NUP160: variants seen among roughly 807,000 people sequenced by gnomAD.
The protein encoded by NUP160 is nuclear pore complex protein Nup160.
In NUP160, 94 loss-of-function variants were observed where a neutral mutation model predicts 196.9. That is an observed-to-expected ratio of 0.48 (90% confidence interval 0.40 to 0.57). NUP160 has a LOEUF of 0.57. NUP160 is among the 20% of genes least tolerant of loss of function. The pLI is 0.00. For synonymous variants in NUP160, 605 were observed against 619.7 expected (o/e 0.98, Z 0.35); for missense variants, 1,638 against 1,748.3 (o/e 0.94, Z 1.13).
intron 22 of NUP160, among the ~76,000 whole-genome samples, chr11:47,802,958 T>C (rs1052998176): frequency 1.3e-5 from 2 of 151,868 alleles, no homozygotes; most frequent in African/African-American, 4.8e-5. Flanking sequence ...TGCACTCCAG[T>C]CTGGGTGACA....
At chr11:47,792,041 G>T in intron 28 of NUP160, 51 bp from the exon 29 acceptor site, 1 of 1,265,700 alleles carries the variant, frequency 7.9e-7, no homozygotes. Context: ...ATTTTATTCT[G>T]ATATCATTAA....
In NUP160 at chr11:47,810,238, T is replaced by G. The variant is rs114402005; in HGVS notation, c.2242-1709A>C. ...TTTGAGATAGGGTCTCACTCTGTCA[T>G]GCAGGCAGAAGTGCAATGGCGCAAT... On this transcript the variant is annotated intron_variant, in intron 17 of 35. Transcript: ENST00000378460. Among the ~76,000 whole-genome samples the G allele has an allele frequency of 8.0e-3, 1,211 of 152,048 alleles. 18 individuals carry two copies. Among genetic ancestry groups the G allele is most frequent in the African/African-American group, 0.027 (1,127 of 41,494 alleles).
In NUP160 at chr11:47,813,248, C is replaced by T. The variant is rs2097682182; in HGVS notation, c.1786+68G>A. On this transcript the variant is annotated intron_variant, in intron 14 of 35. Coordinates refer to ENST00000378460, the Ensembl canonical transcript of NUP160. ...GTGTGGCAATCGATATTTTTTGTAT[C>T]CATGTGAAACGAAGCATAGGGTTTA... 5 of 1,207,460 alleles carry T rather than the reference C, an allele frequency of 4.1e-6. No homozygotes were observed. The South Asian group carries it at 5.1e-5, about 12-fold the overall frequency. The allele number at this position is 1,207,460 out of a possible 1,614,324, so 74.8% of individuals were successfully genotyped here.
chr11:47,798,094 T>TATG lies in NUP160; in HGVS notation c.3087-23_3087-21dup, dbSNP rs1565191660. ...AATTGCCTAGAAGGAAAGAAAGGAA[T>TATG]ATGAGGGCAAACTATCTTAGTAGGT... On this transcript the variant is annotated intron_variant, in intron 25 of 35. Coordinates refer to ENST00000378460, the Ensembl canonical transcript of NUP160. The TATG allele has an allele frequency of 6.4e-7, 1 of 1,552,760 alleles. No individual in the cohort carries two copies. The highest frequency in any genetic ancestry group is 8.8e-7 in the Non-Finnish European group (1 of 1,131,446).
chr11:47,840,378 A>T, exon 3 of NUP160: 1 of 1,612,406 alleles, frequency 6.2e-7, no homozygotes, highest in Non-Finnish European at 8.5e-7. Flanking sequence ...GCCAACTTAC[A>T]CTCCTATACA....
At chr11:47,846,553 T>G (rs1565213095) in intron 2 of NUP160, among the ~76,000 whole-genome samples, 1 of 152,218 alleles carries the variant, frequency 6.6e-6, no homozygotes, top group Non-Finnish European at 1.5e-5. Context: ...TTACCCCATA[T>G]TCAATCCACC....
chr11:47,816,796 A>T (rs1361835340), intron 11 of NUP160, among the ~76,000 whole-genome samples: 2 of 135,096 alleles, frequency 1.5e-5, no homozygotes, highest in East Asian at 2.2e-4. Flanking sequence ...AAAAAAAAAA[A>T]GTCTATGTAA....
intron 2 of NUP160, chr11:47,841,330 A>C (rs1232625032): frequency 3.0e-6 from 1 of 330,094 alleles, no homozygotes; most frequent in East Asian, 7.0e-5. Context: ...AAAAATGGGC[A>C]GAATTTTCCT....
chr11:47,810,132 C>T (rs572383355), intron 17 of NUP160, among the ~76,000 whole-genome samples: 10 of 152,156 alleles, frequency 6.6e-5, no homozygotes, highest in African/African-American at 1.9e-4. Flanking sequence ...GGCTAACCAA[C>T]CTAACAGACT....
At chr11:47,808,265 A>C (rs1322209267) in intron 18 of NUP160, 131 bp downstream of exon 18, 2 of 770,010 alleles carry the variant, frequency 2.6e-6, no homozygotes, top group Non-Finnish European at 4.1e-6. Flanking sequence ...TGGGTGAGAG[A>C]GAGCGAGACT....
chr11:47,801,369 G>A (rs939328794), intron 23 of NUP160, among the ~76,000 whole-genome samples: 26 of 150,890 alleles, frequency 1.7e-4, no homozygotes, highest in Non-Finnish European at 3.4e-4. Flanking sequence ...TTTTTTTTTG[G>A]AGACGGAGTC....
At chr11:47,778,995 T>A (rs74862325) in exon 36 of NUP160, 27 of 754,196 alleles carry the variant, frequency 3.6e-5, no homozygotes, top group Non-Finnish European at 6.2e-5. Flanking sequence ...TTGAATGTTG[T>A]ACACATCATT....
chr11:47,785,165 G>A (rs1027772739), intron 32 of NUP160, 102 bp from the exon 33 acceptor site: 1 of 514,738 alleles, frequency 1.9e-6, no homozygotes, highest in African/African-American at 1.8e-5. Flanking sequence ...TTTTCAGACA[G>A]GGTCTTGCTC....
At chr11:47,791,157 T>TC (rs1565188686) in intron 29 of NUP160, among the ~76,000 whole-genome samples, 1 of 79,090 alleles carries the variant, frequency 1.3e-5, no homozygotes. Flanking sequence ...AATTTTCTCT[T>TC]CTTTTTTTTT....
intron 4 of NUP160, among the ~76,000 whole-genome samples, chr11:47,837,958 T>G: frequency 6.6e-6 from 1 of 152,326 alleles, no homozygotes; most frequent in Middle Eastern, 3.4e-3. Context: ...GGTAGTGACA[T>G]AGCAGTAAAC....
chr11:47,809,758 AG>A (rs34527272), intron 17 of NUP160, among the ~76,000 whole-genome samples: 12,451 of 120,864 alleles, frequency 0.1, 1,029 homozygotes, highest in East Asian at 0.21. Flanking sequence ...AAAAAAAAAA[AG>A]ATGTGCGGAA....
chr11:47,822,601 C>T (rs1851886536), intron 7 of NUP160, among the ~76,000 whole-genome samples: 1 of 150,040 alleles, frequency 6.7e-6, no homozygotes, highest in Non-Finnish European at 1.5e-5. Context: ...ACTTTAAATT[C>T]TAGGTTACAT....
chr11:47,839,015 AAG>A (rs1345375881), intron 4 of NUP160, among the ~76,000 whole-genome samples: 76 of 76,410 alleles, frequency 9.9e-4, no homozygotes, highest in African/African-American at 4.5e-3. Flanking sequence ...AAAAAAAAAA[AAG>A]AATAAAAGAA....
At chr11:47,828,567 T>G (rs1354872753) in intron 7 of NUP160, among the ~76,000 whole-genome samples, 1 of 149,680 alleles carries the variant, frequency 6.7e-6, no homozygotes, top group African/African-American at 2.4e-5. Flanking sequence ...CTAACTTCTT[T>G]GTAGAAACTG....
Sources: allele counts gnomAD v4.1 joint callset (sites outside exome capture counted in the v4.1 genomes callset), GRCh38; gene constraint gnomAD v4.1.1; transcripts MANE v1.5; gene names NCBI Gene and HGNC (gene_info 2026-07-23, HGNC 2026-07-21).